The following RGS7 variants were observed in gnomAD, a reference collection of about 807,000 sequenced individuals.
RGS7 encodes the protein regulator of G protein signaling 7.
A neutral mutation model predicts 81.1 loss-of-function variants in RGS7; 27 were observed. The observed-to-expected ratio is 0.33, with a 90% CI of 0.25 to 0.46. The LOEUF (loss-of-function observed/expected upper bound fraction) is 0.46. Among genes scored for constraint, RGS7 ranks in the 20% least tolerant of loss-of-function variants. RGS7 has a pLI of 1.00. For missense variants in RGS7, 396 were observed against 607.4 expected (o/e 0.65, Z 3.66); for synonymous variants, 208 against 207.7 (o/e 1.00, Z -0.01).
At position 241,031,139 on chromosome 1, in the gene RGS7, C is replaced by T. The variant is rs1027754177; in HGVS notation, c.176-48010G>A. Among the ~76,000 whole-genome samples, 14 of 152,122 alleles carry T rather than the reference C, an allele frequency of 9.2e-5. 1 individual carries two copies. The highest frequency in any genetic ancestry group is 3.4e-4 in the African/African-American group (14 of 41,416). ...CCCCTTCCTGCTTCCTCCCACCCTT[C>T]CGAGTCTTCAATGTCTATGAATTCT... is the stretch of plus-strand genomic sequence containing the variant. On this transcript the variant is annotated intron_variant, in intron 3 of 18. Transcript: ENST00000440928.
At chr1:241,253,907 C>G (rs527588275) in intron 2 of RGS7, among the ~76,000 whole-genome samples, 10 of 152,180 alleles carry the variant, frequency 6.6e-5, no homozygotes, top group Non-Finnish European at 1.3e-4. Context: ...TCTAGAAGGA[C>G]AGTGTTCAAT....
At chr1:241,306,826 C>T (rs923883477) in intron 2 of RGS7, among the ~76,000 whole-genome samples, 5 of 152,146 alleles carry the variant, frequency 3.3e-5, no homozygotes, top group African/African-American at 1.2e-4. Context: ...CACATACACA[C>T]ATCTATCCAC....
chr1:240,899,423 C>T (rs1669616673), intron 6 of RGS7, among the ~76,000 whole-genome samples: 1 of 152,142 alleles, frequency 6.6e-6, no homozygotes, highest in Admixed American at 6.5e-5. Context: ...TGGCTGGTAC[C>T]AGTTGTTCCT....
chr1:240,991,430 T>C (rs1279290174), intron 3 of RGS7, among the ~76,000 whole-genome samples: 2 of 152,198 alleles, frequency 1.3e-5, no homozygotes, highest in African/African-American at 2.4e-5. Flanking sequence ...GGATTCCTTA[T>C]CAACCAGAGA....
chr1:241,315,055 G>C (rs1470170595), intron 2 of RGS7, among the ~76,000 whole-genome samples: 1 of 141,224 alleles, frequency 7.1e-6, no homozygotes, highest in Non-Finnish European at 1.5e-5. Flanking sequence ...TAGCTTCAAG[G>C]TGTTTTATTC....
At chr1:240,912,597 C>A (rs1671951756) in intron 6 of RGS7, among the ~76,000 whole-genome samples, 1 of 152,094 alleles carries the variant, frequency 6.6e-6, no homozygotes, top group Non-Finnish European at 1.5e-5. Flanking sequence ...GTAAAGGCTT[C>A]AGAACTAGTT....
intron 2 of RGS7, among the ~76,000 whole-genome samples, chr1:241,335,082 T>G (rs2082170416): frequency 6.6e-6 from 1 of 152,150 alleles, no homozygotes; most frequent in East Asian, 1.9e-4. Flanking sequence ...AGCAAAAAAC[T>G]GCAGACTGAT....
At chr1:240,949,121 T>C (rs1679131163) in intron 4 of RGS7, among the ~76,000 whole-genome samples, 1 of 152,084 alleles carries the variant, frequency 6.6e-6, no homozygotes, top group Non-Finnish European at 1.5e-5. Flanking sequence ...ATGGAAGGAT[T>C]TTAGACTGTT....
At chr1:240,883,392 G>A (rs1214865452) in intron 6 of RGS7, among the ~76,000 whole-genome samples, 1 of 152,052 alleles carries the variant, frequency 6.6e-6, no homozygotes, top group African/African-American at 2.4e-5. Flanking sequence ...TGAAAGGTGT[G>A]GCTGCTTTTC....
chr1:241,156,183 G>C (rs540179894), intron 2 of RGS7, among the ~76,000 whole-genome samples: 3 of 146,976 alleles, frequency 2.0e-5, no homozygotes, highest in African/African-American at 8.1e-5. Context: ...CATATACATA[G>C]ACAGACAGAC....
chr1:241,293,584 A>G (rs1025525873), intron 2 of RGS7, among the ~76,000 whole-genome samples: 3 of 152,228 alleles, frequency 2.0e-5, no homozygotes, highest in African/African-American at 7.2e-5. Flanking sequence ...TAATAAAAAA[A>G]GTTTTTAAAG....
intron 2 of RGS7, among the ~76,000 whole-genome samples, chr1:241,178,175 C>T (rs546512602): frequency 2.6e-5 from 4 of 151,906 alleles, no homozygotes; most frequent in African/African-American, 9.7e-5. Context: ...ATCTGTAGTC[C>T]CAGCTATTTG....
intron 2 of RGS7, among the ~76,000 whole-genome samples, chr1:241,229,807 C>A (rs1211387857): frequency 1.3e-5 from 2 of 152,178 alleles, no homozygotes; most frequent in East Asian, 3.8e-4. Context: ...AATCATTTTG[C>A]TAGTGCAAAT....
chr1:240,949,747 C>G (rs1316758426), intron 4 of RGS7, among the ~76,000 whole-genome samples: 1 of 146,852 alleles, frequency 6.8e-6, no homozygotes, highest in East Asian at 2.1e-4. Flanking sequence ...GCTCGGGAGG[C>G]TGGGGCAGGA....
intron 3 of RGS7, among the ~76,000 whole-genome samples, chr1:241,004,008 G>C (rs962947821): frequency 2.6e-5 from 4 of 152,140 alleles, no homozygotes; most frequent in Non-Finnish European, 5.9e-5. Context: ...GAGCCACCGT[G>C]CCCGGCCACT....
In RGS7 at chr1:241,080,564, A is replaced by G. The variant is rs2063075776; in HGVS notation, c.175+18102T>C. 3.3e-5 allele frequency among the ~76,000 whole-genome samples: 5 copies of G among 152,142 alleles called. No homozygotes were observed. In the South Asian group the frequency reaches 1.0e-3, roughly 32 times the overall value. ...AAAGTCATTAATAATAATGGTAAAAACTATAATAATCTTTTCAGTTTTTGC... is the reference window on the plus strand; with the variant it reads ...AAAGTCATTAATAATAATGGTAAAAGCTATAATAATCTTTTCAGTTTTTGC... On this transcript the variant is annotated intron_variant, in intron 3 of 18. Coordinates refer to ENST00000440928, the MANE Select transcript of RGS7 (RefSeq NM_001364886.1).
intron 9 of RGS7, among the ~76,000 whole-genome samples, chr1:240,850,955 A>C (rs1659995225): frequency 6.6e-6 from 1 of 152,222 alleles, no homozygotes; most frequent in Non-Finnish European, 1.5e-5. Flanking sequence ...AGGTTGGTTC[A>C]TGAAGTTTAA....
chr1:240,897,903 G>A (rs985652665), intron 6 of RGS7, among the ~76,000 whole-genome samples: 1 of 152,084 alleles, frequency 6.6e-6, no homozygotes, highest in African/African-American at 2.4e-5. Flanking sequence ...CTGTGAATCC[G>A]TCTGGTACCG....
intron 3 of RGS7, among the ~76,000 whole-genome samples, chr1:241,047,859 C>T (rs1305474046): frequency 1.3e-5 from 2 of 151,160 alleles, no homozygotes; most frequent in Non-Finnish European, 2.9e-5. Context: ...CCTGTCTCAG[C>T]CCCCCTAGTA....
Sources: gnomAD v4.1 joint callset for allele counts (sites outside exome capture counted in the v4.1 genomes callset) on GRCh38, gnomAD v4.1.1 for gene constraint, MANE v1.5 for transcripts, NCBI Gene and HGNC (gene_info 2026-07-23, HGNC 2026-07-21) for gene names.